Variants in CNBP observed in about 807,000 individuals in gnomAD.
The protein encoded by CNBP is cellular nucleic acid-binding protein.
Under a neutral mutation model 21.2 loss-of-function variants are expected in CNBP, and 6 were observed. The observed-to-expected ratio is 0.28, with a 90% CI of 0.16 to 0.56. The LOEUF (loss-of-function observed/expected upper bound fraction) is 0.56, where lower values mean the gene tolerates loss of function less well. Among genes scored for constraint, CNBP ranks in the 20% least tolerant of loss-of-function variants. CNBP has a pLI of 0.93. For missense variants in CNBP, 112 were observed against 233.1 expected (o/e 0.48, Z 3.38); for synonymous variants, 61 against 74.9 (o/e 0.81, Z 0.96).
At chr3:129,175,432 CTTTT>C (rs369005126) in intron 1 of CNBP, among the ~76,000 whole-genome samples, 304 of 122,100 alleles carry the variant, frequency 2.5e-3, no homozygotes, top group Middle Eastern at 4.1e-3. Context: ...AGATGTTTTG[CTTTT>C]TTTTTTTTTT....
In CNBP at chr3:129,168,507, G is replaced by A. The variant is rs1269448734; in HGVS notation, c.*1946C>T. Among the ~76,000 whole-genome samples the A allele has an allele frequency of 8.2e-6, 1 of 121,448 alleles. No homozygotes were observed. The highest frequency in any genetic ancestry group is 1.6e-5 in the Non-Finnish European group (1 of 60,856). 79.7% of individuals were successfully genotyped at this position (121,448 alleles called of 152,430 possible). ...AGCTATTTGGGAGGCTGAGGCAGGAGAATTACTTGAACGGGGTGTGGGGGT... is the reference window on the plus strand; with the variant it reads ...AGCTATTTGGGAGGCTGAGGCAGGAAAATTACTTGAACGGGGTGTGGGGGT... On this transcript the variant is annotated 3_prime_UTR_variant, in exon 5 of 5. Coordinates refer to ENST00000422453, the MANE Select transcript of CNBP (RefSeq NM_003418.5).
rs1937491110 is a variant in CNBP at position 129,168,168 on chromosome 3, CAG to C, written c.*2283_*2284del. Among the ~76,000 whole-genome samples the C allele has an allele frequency of 6.6e-6, 1 of 152,138 alleles. No individual in the cohort carries two copies. The highest frequency in any genetic ancestry group is 1.5e-5 in the Non-Finnish European group (1 of 68,028). ...CATTTAATTTCGAAGTGGGGGGAAA[CAG>C]GGCATGGGGAGTGAATAATGGTTGA... is the stretch of plus-strand genomic sequence containing the variant. On this transcript the variant is annotated 3_prime_UTR_variant, in exon 5 of 5. Transcript: ENST00000422453.
In CNBP at chr3:129,177,476, T is replaced by G. The variant is rs563543321; in HGVS notation, c.-14-5705A>C. 2.6e-5 allele frequency among the ~76,000 whole-genome samples: 4 copies of G among 152,372 alleles called. No homozygotes were observed. The East Asian group carries it at 7.7e-4, about 29-fold the overall frequency. On this transcript the variant is annotated intron_variant, in intron 1 of 4. Transcript: ENST00000422453. ...AACTGATGTGTGTGGTAAGAATTGT[T>G]ACCTTGTGCTTAATAGATATTCAAT... is the stretch of plus-strand genomic sequence containing the variant.
intron 1 of CNBP, among the ~76,000 whole-genome samples, chr3:129,173,807 G>A (rs949065294): frequency 6.6e-6 from 1 of 152,092 alleles, no homozygotes; most frequent in Non-Finnish European, 1.5e-5. Context: ...CCTAAGCACA[G>A]GCACCATCAT....
intron 1 of CNBP, among the ~76,000 whole-genome samples, chr3:129,175,078 T>C (rs954124772): frequency 2.0e-5 from 3 of 151,926 alleles, no homozygotes; most frequent in Admixed American, 2.0e-4. Flanking sequence ...ACGCCTGTAA[T>C]CTCAGCACTT....
rs10587328 is a variant in CNBP, at chr3:129,181,239, C to CAAAAAAAA, written c.-15+2529_-15+2536dup. ...TGGCCGACAGAGAAAGACTCTGTCT[C>CAAAAAAAA]AAAAAAAAAAAAAAAAAAAAAAAAA... On this transcript the variant is annotated intron_variant, in intron 1 of 4. Transcript: ENST00000422453. Among the ~76,000 whole-genome samples, 63 of 53,170 alleles carry CAAAAAAAA rather than the reference C, an allele frequency of 1.2e-3. 1 individual carries two copies. Among genetic ancestry groups the CAAAAAAAA allele is most frequent in the African/African-American group, 3.7e-3 (44 of 11,896 alleles). 34.9% of individuals were successfully genotyped at this position (53,170 alleles called of 152,430 possible). A position where few individuals can be genotyped will look rare whatever the true frequency, so the allele number is the denominator to read the frequency against.
At chr3:129,183,212 T>G in intron 1 of CNBP, among the ~76,000 whole-genome samples, 1 of 152,190 alleles carries the variant, frequency 6.6e-6, no homozygotes, top group East Asian at 1.9e-4. Flanking sequence ...ACTCTCAAAG[T>G]GCTGGGATTA....
At chr3:129,182,023 CTATT>C (rs1453131240) in intron 1 of CNBP, among the ~76,000 whole-genome samples, 1 of 151,432 alleles carries the variant, frequency 6.6e-6, no homozygotes, top group Non-Finnish European at 1.5e-5. Flanking sequence ...GCATTTAAAA[CTATT>C]TAGGAGGGGG....
intron 1 of CNBP, among the ~76,000 whole-genome samples, chr3:129,181,097 G>A (rs566401292): frequency 4.0e-5 from 6 of 151,134 alleles, no homozygotes; most frequent in Non-Finnish European, 5.9e-5. Context: ...AAAATTAGCC[G>A]GGCGTGGTGG....
chr3:129,171,042 C>T, intron 4 of CNBP, 37 bp downstream of exon 4: 1 of 1,573,856 alleles, frequency 6.4e-7, no homozygotes, highest in Non-Finnish European at 8.7e-7. Context: ...AGAATCTCTG[C>T]AATGAGTTTT....
intron 1 of CNBP, among the ~76,000 whole-genome samples, chr3:129,182,293 C>CTA (rs1306221541): frequency 6.6e-6 from 1 of 152,082 alleles, no homozygotes; most frequent in Admixed American, 6.5e-5. Context: ...TTGAGAAAGA[C>CTA]AAAAAACAAA....
chr3:129,181,934 A>G (rs1938329691), intron 1 of CNBP, among the ~76,000 whole-genome samples: 2 of 152,168 alleles, frequency 1.3e-5, no homozygotes, highest in Admixed American at 6.5e-5. Context: ...CAGGCTCAAC[A>G]AACTAAAAAC....
chr3:129,182,978 GTCTC>G (rs1200928503), intron 1 of CNBP, among the ~76,000 whole-genome samples: 2 of 151,730 alleles, frequency 1.3e-5, no homozygotes, highest in African/African-American at 2.4e-5. Context: ...TTAAGACGGA[GTCTC>G]TCTCTGTTGC....
rs539614313 is a variant in CNBP, at chr3:129,181,022, C to T, written c.-15+2754G>A. Among the ~76,000 whole-genome samples, 5 of 150,798 alleles carry T rather than the reference C, an allele frequency of 3.3e-5. No individual in the cohort carries two copies. The East Asian group carries it at 9.9e-4, about 30-fold the overall frequency. ...TGGGAGGCCGAGGCGGGTGAATTAC[C>T]TGAGGTCAGGAGATCAAGACCAGCC... is the stretch of plus-strand genomic sequence containing the variant. On this transcript the variant is annotated intron_variant, in intron 1 of 4. Transcript: ENST00000422453.
chr3:129,174,311 G>A (rs1323362550), intron 1 of CNBP, among the ~76,000 whole-genome samples: 2 of 126,736 alleles, frequency 1.6e-5, no homozygotes, highest in African/African-American at 6.0e-5. Flanking sequence ...TAAATTATGT[G>A]AAGTATTTGC....
intron 1 of CNBP, among the ~76,000 whole-genome samples, chr3:129,177,837 G>A (rs1938017864): frequency 6.6e-6 from 1 of 152,172 alleles, no homozygotes. Context: ...GGGCATGTCA[G>A]GCAAGAGAAG....
chr3:129,172,693 CAG>C (rs56046628), intron 1 of CNBP, among the ~76,000 whole-genome samples: 6,412 of 107,914 alleles, frequency 0.059, 174 homozygotes, highest in Non-Finnish European at 0.081. Context: ...GACAGACAGA[CAG>C]ACACACACAC....
At chr3:129,181,530 A>G (rs1010509565) in intron 1 of CNBP, among the ~76,000 whole-genome samples, 9 of 151,210 alleles carry the variant, frequency 6.0e-5, no homozygotes, top group African/African-American at 2.2e-4. Context: ...GGGCGCCTGT[A>G]ATCCCAGCTA....
intron 1 of CNBP, among the ~76,000 whole-genome samples, chr3:129,172,158 G>C (rs535333777): frequency 6.6e-6 from 1 of 152,182 alleles, no homozygotes; most frequent in South Asian, 2.1e-4. Flanking sequence ...GCAACATTGA[G>C]ACTCTGTCTC....
Sources: gnomAD v4.1 joint callset for allele counts (sites outside exome capture counted in the v4.1 genomes callset) on GRCh38, gnomAD v4.1.1 for gene constraint, MANE v1.5 for transcripts, NCBI Gene and HGNC (gene_info 2026-07-23, HGNC 2026-07-21) for gene names.